Variants in SORCS3 observed in about 807,000 individuals in gnomAD.
The protein encoded by SORCS3 is sortilin related VPS10 domain containing receptor 3.
SORCS3 carries 57 observed loss-of-function variants against 146.3 expected under a neutral mutation model. The ratio of observed to expected loss-of-function variants is 0.39; its 90% CI spans 0.31 to 0.49. The LOEUF is 0.49. Among genes scored for constraint, SORCS3 ranks in the 20% least tolerant of loss-of-function variants. The pLI is 0.92. For synonymous variants in SORCS3, 653 were observed against 618.5 expected (o/e 1.06, Z -0.83); for missense variants, 1,341 against 1,575.5 (o/e 0.85, Z 2.52).
At chr10:104,971,210 T>C (rs2054858517) in intron 3 of SORCS3, among the ~76,000 whole-genome samples, 1 of 152,214 alleles carries the variant, frequency 6.6e-6, no homozygotes, top group African/African-American at 2.4e-5. Flanking sequence ...AGATTTATAT[T>C]ACAGGTTGAT....
chr10:104,813,067 C>A (rs146896887), intron 1 of SORCS3, among the ~76,000 whole-genome samples: 1 of 152,194 alleles, frequency 6.6e-6, no homozygotes, highest in East Asian at 1.9e-4. Context: ...GGGCCCTGGC[C>A]TGCTTCACCA....
Position 105,081,454 on chromosome 10 carries a change from G to T in SORCS3, c.1029-8321G>T, listed in dbSNP as rs573991936. ...AGGGTTGGTTTCTGGTCTATGGCATGAATGGGGTTGGACAGGATTGTGATG... is the reference window on the plus strand; with the variant it reads ...AGGGTTGGTTTCTGGTCTATGGCATTAATGGGGTTGGACAGGATTGTGATG... On this transcript the variant is annotated intron_variant, in intron 5 of 26. Coordinates refer to ENST00000369701, the MANE Select transcript of SORCS3 (RefSeq NM_014978.3). Among the ~76,000 whole-genome samples the T allele has an allele frequency of 2.0e-5, 3 of 152,300 alleles. No individual in the cohort carries two copies. In the East Asian group the frequency reaches 5.8e-4, roughly 29 times the overall value.
intron 2 of SORCS3, among the ~76,000 whole-genome samples, chr10:104,909,786 C>A (rs1036569996): frequency 8.0e-6 from 1 of 124,938 alleles, no homozygotes; most frequent in Non-Finnish European, 1.6e-5. Flanking sequence ...GATGTCTTTT[C>A]TGTTTTTTTT....
At chr10:105,056,828 C>A (rs1425801083) in intron 5 of SORCS3, among the ~76,000 whole-genome samples, 1 of 152,142 alleles carries the variant, frequency 6.6e-6, no homozygotes, top group African/African-American at 2.4e-5. Context: ...TGAAGATAAT[C>A]ATTTTAACAC....
intron 1 of SORCS3, among the ~76,000 whole-genome samples, chr10:104,706,967 A>G (rs2016344643): frequency 6.6e-6 from 1 of 152,184 alleles, no homozygotes; most frequent in Admixed American, 6.5e-5. Context: ...AGAGAGACAG[A>G]GACTAAAGTT....
chr10:105,125,679 C>CACACACACACACACACACACA lies in SORCS3; in HGVS notation c.1213-13718_1213-13717insACACACACACACACACACACA, dbSNP rs370356129. Among the ~76,000 whole-genome samples the CACACACACACACACACACACA allele has an allele frequency of 3.7e-3, 535 of 144,478 alleles. 4 individuals carry two copies. Among genetic ancestry groups the CACACACACACACACACACACA allele is most frequent in the South Asian group, 5.1e-3 (22 of 4,348 alleles). 94.8% of individuals were successfully genotyped at this position (144,478 alleles called of 152,430 possible). A position where few individuals can be genotyped will look rare whatever the true frequency, so the allele number is the denominator to read the frequency against. ...ACATGCATGTTGCATCACTGAATAT[C>CACACACACACACACACACACA]CACACACACACACACACACACACAC... On this transcript the variant is annotated intron_variant, in intron 7 of 26. Coordinates refer to ENST00000369701, the MANE Select transcript of SORCS3 (RefSeq NM_014978.3).
intron 2 of SORCS3, among the ~76,000 whole-genome samples, chr10:104,874,401 T>A (rs1406389086): frequency 6.6e-6 from 1 of 152,166 alleles, no homozygotes; most frequent in Non-Finnish European, 1.5e-5. Flanking sequence ...CCAAGAGCTA[T>A]TCTTACTGTT....
At chr10:104,953,109 C>T (rs989635911) in intron 3 of SORCS3, among the ~76,000 whole-genome samples, 11 of 152,162 alleles carry the variant, frequency 7.2e-5, no homozygotes, top group African/African-American at 2.2e-4. Flanking sequence ...AAAGATTATT[C>T]AGAGGAGGAT....
chr10:105,163,506 G>C (rs1159779488), intron 11 of SORCS3, among the ~76,000 whole-genome samples: 1 of 152,066 alleles, frequency 6.6e-6, no homozygotes, highest in Non-Finnish European at 1.5e-5. Flanking sequence ...TATTAGGTTG[G>C]GGGCCTCTTT....
At chr10:104,762,180 C>A (rs977735037) in intron 1 of SORCS3, among the ~76,000 whole-genome samples, 1 of 152,156 alleles carries the variant, frequency 6.6e-6, no homozygotes, top group Admixed American at 6.5e-5. Context: ...CCAGTAAGTC[C>A]TCCCTGTTCA....
At chr10:104,714,701 C>T (rs958065703) in intron 1 of SORCS3, among the ~76,000 whole-genome samples, 1 of 152,010 alleles carries the variant, frequency 6.6e-6, no homozygotes, top group African/African-American at 2.4e-5. Context: ...TATTCCATGC[C>T]AGCTTGAGAA....
chr10:104,837,565 T>G (rs1454848104), intron 1 of SORCS3, among the ~76,000 whole-genome samples: 1 of 152,206 alleles, frequency 6.6e-6, no homozygotes, highest in Non-Finnish European at 1.5e-5. Flanking sequence ...TTGACAAAGC[T>G]TATTTGGTAA....
intron 1 of SORCS3, among the ~76,000 whole-genome samples, chr10:104,659,017 AT>A (rs2015668029): frequency 6.6e-6 from 1 of 152,156 alleles, no homozygotes; most frequent in South Asian, 2.1e-4. Context: ...TCAAAATGAA[AT>A]CATGTATTTG....
chr10:104,842,242 A>T (rs753963761), intron 1 of SORCS3, among the ~76,000 whole-genome samples: 8 of 152,216 alleles, frequency 5.3e-5, no homozygotes, highest in Non-Finnish European at 1.0e-4. Flanking sequence ...TCGAAGGCAG[A>T]TGGTATCAGG....
chr10:104,648,537 T>G (rs1053409300), intron 1 of SORCS3, among the ~76,000 whole-genome samples: 16 of 152,164 alleles, frequency 1.1e-4, no homozygotes, highest in Non-Finnish European at 1.9e-4. Flanking sequence ...CCATACTCTA[T>G]AGTCAACCTG....
At chr10:105,217,798 T>C (rs2056674351) in intron 19 of SORCS3, 1 of 453,992 alleles carries the variant, frequency 2.2e-6, no homozygotes, top group Non-Finnish European at 4.4e-6. Flanking sequence ...TTTTCTATTC[T>C]AGAATTTGAT....
chr10:105,246,372 G>GT lies in SORCS3; in HGVS notation c.2992+713dup, dbSNP rs757164551. On this transcript the variant is annotated intron_variant, in intron 21 of 26. Transcript: ENST00000369701. ...AGTTTGATTTCTTTAATGGTAATTG[G>GT]TTTTTTGGTTTTACATGTCTTCATT... is the stretch of plus-strand genomic sequence containing the variant. 4.0e-5 allele frequency among the ~76,000 whole-genome samples: 6 copies of GT among 151,676 alleles called. No homozygotes were observed. In the South Asian group the frequency reaches 6.3e-4, roughly 16 times the overall value.
At chr10:105,078,331 A>G (rs1346802996) in intron 5 of SORCS3, among the ~76,000 whole-genome samples, 4 of 152,122 alleles carry the variant, frequency 2.6e-5, no homozygotes, top group East Asian at 1.9e-4. Flanking sequence ...AGAAAATGCA[A>G]TTTAGTCAGA....
intron 16 of SORCS3, among the ~76,000 whole-genome samples, chr10:105,204,789 T>C (rs2056592832): frequency 6.6e-6 from 1 of 152,156 alleles, no homozygotes. Flanking sequence ...ATTTCTGAAT[T>C]ATTTACAGTG....
Sources: gnomAD v4.1 joint callset for allele counts (sites outside exome capture counted in the v4.1 genomes callset) on GRCh38, gnomAD v4.1.1 for gene constraint, MANE v1.5 for transcripts, NCBI Gene and HGNC (gene_info 2026-07-23, HGNC 2026-07-21) for gene names.